Variants in STXBP5L observed in about 807,000 individuals in gnomAD.
The protein encoded by STXBP5L is syntaxin binding protein 5L, also known as syntaxin-binding protein 5-like.
A neutral mutation model predicts 144.5 loss-of-function variants in STXBP5L; 65 were observed. The observed-to-expected ratio is 0.45, with a 90% CI of 0.37 to 0.55. The LOEUF is 0.55. Ranked by LOEUF, STXBP5L falls within the 20% of genes least tolerant of loss-of-function variation. The pLI is 0.00. For synonymous variants in STXBP5L, 505 were observed against 469.6 expected (o/e 1.08, Z -0.97); for missense variants, 1,298 against 1,405.5 (o/e 0.92, Z 1.22).
chr3:121,206,035 G>C (rs1218342752), intron 10 of STXBP5L, 34 bp downstream of exon 10: 1 of 1,311,560 alleles, frequency 7.6e-7, no homozygotes, highest in Non-Finnish European at 1.0e-6. Flanking sequence ...AGAGGGATAC[G>C]AAGCAGAGAC....
intron 9 of STXBP5L, among the ~76,000 whole-genome samples, chr3:121,183,029 A>G (rs1307709741): frequency 6.6e-6 from 1 of 152,228 alleles, no homozygotes; most frequent in African/African-American, 2.4e-5. Flanking sequence ...TACATGTGAT[A>G]CATCACATAA....
chr3:121,011,040 T>C (rs541883362), intron 3 of STXBP5L, among the ~76,000 whole-genome samples: 1 of 150,564 alleles, frequency 6.6e-6, no homozygotes, highest in South Asian at 2.1e-4. Flanking sequence ...AATCATTTGG[T>C]TGTCTTTCTT....
intron 19 of STXBP5L, among the ~76,000 whole-genome samples, chr3:121,304,176 C>T (rs1477544814): frequency 2.0e-5 from 3 of 151,906 alleles, no homozygotes; most frequent in Non-Finnish European, 4.4e-5. Flanking sequence ...AATAAATGAC[C>T]AGAATGATAT....
chr3:121,388,842 C>G (rs2046497231), intron 22 of STXBP5L, among the ~76,000 whole-genome samples: 1 of 152,158 alleles, frequency 6.6e-6, no homozygotes, highest in African/African-American at 2.4e-5. Context: ...AGATATTGCT[C>G]TAAAATTCTC....
At chr3:121,191,295 C>T (rs544360193) in intron 9 of STXBP5L, among the ~76,000 whole-genome samples, 14 of 152,280 alleles carry the variant, frequency 9.2e-5, no homozygotes, top group South Asian at 8.3e-4. Flanking sequence ...CCTGGCACCT[C>T]GGGAGGCTGA....
At chr3:121,356,748 G>A (rs372002460) in intron 20 of STXBP5L, among the ~76,000 whole-genome samples, 37 of 152,204 alleles carry the variant, frequency 2.4e-4, no homozygotes, top group African/African-American at 8.9e-4. Context: ...AATAGGAAAT[G>A]CAGAAATCAC....
intron 18 of STXBP5L, among the ~76,000 whole-genome samples, chr3:121,266,416 A>T (rs2050568841): frequency 6.6e-6 from 1 of 152,216 alleles, no homozygotes; most frequent in Admixed American, 6.5e-5. Flanking sequence ...CCTTTGATAA[A>T]ATTCAACAGC....
intron 22 of STXBP5L, among the ~76,000 whole-genome samples, chr3:121,402,406 C>T (rs2046900882): frequency 6.6e-6 from 1 of 152,132 alleles, no homozygotes; most frequent in Admixed American, 6.5e-5. Context: ...AATTCTTCAG[C>T]CTCACTGGAA....
chr3:121,286,589 A>G (rs768955388), intron 19 of STXBP5L, among the ~76,000 whole-genome samples: 8 of 152,180 alleles, frequency 5.3e-5, no homozygotes, highest in Non-Finnish European at 1.2e-4. Context: ...GGGAAAAATG[A>G]GATAAGGTGG....
At chr3:121,217,647 T>G (rs1233457113) in intron 10 of STXBP5L, among the ~76,000 whole-genome samples, 1 of 152,160 alleles carries the variant, frequency 6.6e-6, no homozygotes, top group Non-Finnish European at 1.5e-5. Flanking sequence ...TAGCCCAGAT[T>G]CCGCTTCACT....
intron 9 of STXBP5L, among the ~76,000 whole-genome samples, chr3:121,161,882 T>C (rs549591690): frequency 1.3e-5 from 2 of 152,228 alleles, no homozygotes; most frequent in East Asian, 3.9e-4. Context: ...TTATTTAATA[T>C]TTTCCTGGAA....
At chr3:121,096,624 G>A (rs930293400) in intron 5 of STXBP5L, among the ~76,000 whole-genome samples, 16 of 152,252 alleles carry the variant, frequency 1.1e-4, no homozygotes, top group African/African-American at 3.9e-4. Flanking sequence ...GGAGTTTGCT[G>A]GAGGTCCACT....
chr3:121,315,611 T>C (rs2043757982), intron 19 of STXBP5L, among the ~76,000 whole-genome samples: 1 of 151,878 alleles, frequency 6.6e-6, no homozygotes, highest in Admixed American at 6.6e-5. Context: ...TGTACACATG[T>C]ACCCTAAAAC....
At chr3:120,986,826 C>T (rs891268078) in intron 3 of STXBP5L, among the ~76,000 whole-genome samples, 1 of 151,640 alleles carries the variant, frequency 6.6e-6, no homozygotes, top group Non-Finnish European at 1.5e-5. Flanking sequence ...CAGAACAATT[C>T]AAAGACAGAT....
chr3:121,229,488 C>T (rs1262826474), intron 11 of STXBP5L, among the ~76,000 whole-genome samples: 1 of 152,070 alleles, frequency 6.6e-6, no homozygotes, highest in Non-Finnish European at 1.5e-5. Context: ...ATAGGAAACA[C>T]AAAATCTTGA....
rs192991538 is a variant in STXBP5L, at chr3:120,997,621, G to T, written c.287+42584G>T. On this transcript the variant is annotated intron_variant, in intron 3 of 26. Transcript: ENST00000471454. ...TGTCCTTTGCCCAATTTTTAGTGGG[G>T]TTGTTTGTTTTTTGCTTTTTAATTT... Among the ~76,000 whole-genome samples, 9 of 152,060 alleles carry T rather than the reference G, an allele frequency of 5.9e-5. No individual in the cohort carries two copies. In the East Asian group the frequency reaches 1.7e-3, roughly 29 times the overall value.
At chr3:121,222,139 ACTT>A (rs1303524746) in intron 10 of STXBP5L, among the ~76,000 whole-genome samples, 1 of 152,036 alleles carries the variant, frequency 6.6e-6, no homozygotes. Flanking sequence ...TTTGGTATTT[ACTT>A]CTTACTTCTT....
chr3:121,102,671 C>T (rs888492013), intron 5 of STXBP5L, among the ~76,000 whole-genome samples: 1 of 152,044 alleles, frequency 6.6e-6, no homozygotes. Flanking sequence ...TCTTCAAAAG[C>T]AATTACAGCA....
chr3:121,014,187 A>G (rs1944978572), intron 3 of STXBP5L, among the ~76,000 whole-genome samples: 2 of 151,844 alleles, frequency 1.3e-5, no homozygotes, highest in African/African-American at 4.8e-5. Context: ...ATGTTGGTAA[A>G]TAGATAGGAA....
Sources: gnomAD v4.1 joint callset for allele counts (sites outside exome capture counted in the v4.1 genomes callset) on GRCh38, gnomAD v4.1.1 for gene constraint, MANE v1.5 for transcripts, NCBI Gene and HGNC (gene_info 2026-07-23, HGNC 2026-07-21) for gene names.